Variants in BOC observed in about 807,000 individuals in gnomAD.
BOC encodes the protein brother of CDO.
In BOC, 76 loss-of-function variants were observed where a neutral mutation model predicts 112.0. The ratio of observed to expected loss-of-function variants is 0.68; its 90% CI spans 0.56 to 0.82. The LOEUF is 0.82. BOC is among the 40% of genes least tolerant of loss of function. The pLI is 0.00. For synonymous variants in BOC, 580 were observed against 599.8 expected (o/e 0.97, Z 0.48); for missense variants, 1,309 against 1,511.7 (o/e 0.87, Z 2.22).
intron 5 of BOC, chr3:113,269,638 G>A (rs1002407793): frequency 1.3e-5 from 2 of 152,036 alleles, no homozygotes; most frequent in Non-Finnish European, 2.9e-5. Context: ...AGAAAACTTA[G>A]AGAATACAGA....
At position 113,286,795 on chromosome 3, in the gene BOC, C is replaced by T. The variant is rs1347704389; in HGVS notation, c.3281C>T (p.Pro1094Leu). Residue 1094 changes from proline (P) to leucine (L), a missense_variant, in exon 20 of 20, where the codon CCT (proline) becomes CTT (leucine). Pro to Leu is a moderately conservative substitution (Grantham distance 98). Coordinates refer to ENST00000682979, the MANE Select transcript of BOC (RefSeq NM_001378074.1). ...HPVGAYVGQE[P>L]GMQLSPGPLV... ...GTAGGGGCCTACGTAGGACAGGAAC[C>T]TGGAATGCAGCTCTCCCCGGGGCCA... 1.2e-6 allele frequency: 2 copies of T among 1,613,080 alleles called. No homozygotes were observed. The highest frequency in any genetic ancestry group is 3.3e-5 in the Admixed American group (2 of 59,882).
chr3:113,281,930 T>A (rs755983856), intron 15 of BOC, among the ~76,000 whole-genome samples: 1 of 152,148 alleles, frequency 6.6e-6, no homozygotes, highest in Non-Finnish European at 1.5e-5. Flanking sequence ...GGAGGGCAGA[T>A]ACATGCACAG....
At chr3:113,222,234 T>C (rs891658025) in intron 2 of BOC, among the ~76,000 whole-genome samples, 1 of 152,230 alleles carries the variant, frequency 6.6e-6, no homozygotes, top group African/African-American at 2.4e-5. Context: ...TCTTCCTCAC[T>C]GTCTTCCCAG....
chr3:113,284,429 C>T lies in BOC; in HGVS notation c.2751C>T (p.Ala917=). 3.1e-6 allele frequency: 5 copies of T among 1,614,260 alleles called. No homozygotes were observed. Among genetic ancestry groups the T allele is most frequent in the Non-Finnish European group, 4.2e-6 (5 of 1,180,040 alleles). The change falls in exon 17 of 20, where the codon GCC becomes GCT. Residue 917 remains alanine, a synonymous_variant. Transcript: ENST00000682979. ...TGGGAGGACTCCCAGGCCACCAGGC[C>T]AGTGGACAGCCCTACCTCAGTGGCA... ...VPLGGLPGHQ[A]SGQPYLSGIS...
chr3:113,249,700 C>T (rs1397994273), intron 2 of BOC, 22 bp from the exon 3 acceptor site: 1 of 954,768 alleles, frequency 1.0e-6, no homozygotes, highest in South Asian at 1.8e-5. Context: ...GGCCATTGCT[C>T]TCCCTTTCTC....
At chr3:113,284,041 C>T (rs191840181) in intron 16 of BOC, among the ~76,000 whole-genome samples, 1 of 152,206 alleles carries the variant, frequency 6.6e-6, no homozygotes, top group East Asian at 1.9e-4. Flanking sequence ...ATCTGGTCAG[C>T]TTACCTCCTC....
At chr3:113,273,011 A>C in intron 7 of BOC, 58 bp from the exon 8 acceptor site, 1 of 1,549,170 alleles carries the variant, frequency 6.5e-7, no homozygotes, top group Non-Finnish European at 8.8e-7. Flanking sequence ...CTCCCAGCCC[A>C]TCTGGCCCTG....
intron 2 of BOC, among the ~76,000 whole-genome samples, chr3:113,239,165 T>G (rs2107794893): frequency 6.6e-6 from 1 of 152,366 alleles, no homozygotes; most frequent in Non-Finnish European, 1.5e-5. Flanking sequence ...ATTATAAATT[T>G]TGGATATATC....
rs1305624764 is a variant in BOC, at chr3:113,278,681, C to G, written c.1714C>G (p.Pro572Ala). The part of the protein sequence containing the change: ...AMVTFRTGRR[P>A]KPEIMASKEQ... ...AACCCATTTCCACCCAGGACGGCGG[C>G]CCAAACCCGAGATCATGGCCAGCAA... Residue 572 changes from proline (P) to alanine (A), a missense_variant, in exon 11 of 20, where the codon CCC (proline) becomes GCC (alanine). Transcript: ENST00000682979. This position sits in a 1 kb window ranked among gnomAD's most constrained non-coding sequence, Gnocchi z 4.2. 1 of 1,561,064 alleles carries G rather than the reference C, an allele frequency of 6.4e-7. No homozygotes were observed. The highest frequency in any genetic ancestry group is 1.4e-5 in the African/African-American group (1 of 73,440).
At position 113,283,525 on chromosome 3, in the gene BOC, G is replaced by T. The variant is rs571119647; in HGVS notation, c.2549G>T (p.Arg850Leu). The T allele has an allele frequency of 4.3e-6, 7 of 1,613,970 alleles. No homozygotes were observed. The highest frequency in any genetic ancestry group is 5.9e-6 in the Non-Finnish European group (7 of 1,180,010). Residue 850 changes from arginine (R) to leucine (L), a missense_variant, in exon 16 of 20, where the codon CGC becomes CTC. Coordinates refer to ENST00000682979, the MANE Select transcript of BOC (RefSeq NM_001378074.1). ...RPVGTGAMVA[R>L]SSDLPYLIVG... ...GTGGGCACTGGGGCCATGGTGGCTC[G>T]CTCCAGCGACCTGCCCTATCTGATT...
intron 7 of BOC, 118 bp from the exon 8 acceptor site, chr3:113,272,951 T>C: frequency 7.5e-7 from 1 of 1,338,572 alleles, no homozygotes; most frequent in Non-Finnish European, 1.0e-6. Context: ...CTCTGCCCAT[T>C]AGGAAAAAGC....
rs887184937 is a variant in BOC at position 113,283,538 on chromosome 3, G to A, written c.2562G>A (p.Leu854=). The A allele has an allele frequency of 1.1e-5, 17 of 1,613,940 alleles. No homozygotes were observed. Among genetic ancestry groups the A allele is most frequent in the Non-Finnish European group, 1.1e-5 (13 of 1,179,984 alleles). ...CCATGGTGGCTCGCTCCAGCGACCT[G>A]CCCTATCTGATTGTCGGGGTCGTCC... The part of the protein sequence containing the change: ...TGAMVARSSD[L]PYLIVGVVLG... Residue 854 remains leucine, a synonymous_variant, in exon 16 of 20, where the codon CTG becomes CTA. Coordinates refer to ENST00000682979, the MANE Select transcript of BOC (RefSeq NM_001378074.1).
rs767424071 is a variant in BOC at position 113,272,521 on chromosome 3, C to T, written c.779C>T (p.Pro260Leu). Residue 260 changes from proline (P) to leucine (L), a missense_variant, in exon 7 of 20, where the codon CCA becomes CTA. By Grantham distance (98) the Pro-to-Leu change is moderately conservative (BLOSUM62 -3). Transcript: ENST00000682979. Reference sequence around the variant, plus strand: ...TGTGTGGCCAGTGGAATCCCACCCCCACGGGTCACCTGGGCCAAGGATGGG... The same window carrying T: ...TGTGTGGCCAGTGGAATCCCACCCCTACGGGTCACCTGGGCCAAGGATGGG... ...LECVASGIPPPRVTWAKDGSS... is the reference protein window; with the variant it reads ...LECVASGIPPLRVTWAKDGSS... 6.2e-7 allele frequency: 1 copy of T among 1,614,080 alleles called. No individual in the cohort carries two copies. Among genetic ancestry groups the T allele is most frequent in the South Asian group, 1.1e-5 (1 of 91,074 alleles).
At chr3:113,211,030 G>C (rs1276246062), upstream of BOC, 1 of 152,132 alleles carries the variant, frequency 6.6e-6, no homozygotes, top group Non-Finnish European at 1.5e-5. Context: ...GGGGGAGGCT[G>C]CGTTAAGGCT....
intron 16 of BOC, 116 bp from the exon 17 acceptor site, chr3:113,284,219 T>G: frequency 3.6e-6 from 3 of 829,706 alleles, no homozygotes; most frequent in Non-Finnish European, 6.1e-6. Context: ...GTCAACTCCC[T>G]GCCTACGTCC....
chr3:113,228,887 C>A (rs555111699), intron 2 of BOC, among the ~76,000 whole-genome samples: 1 of 152,226 alleles, frequency 6.6e-6, no homozygotes, highest in Non-Finnish European at 1.5e-5. Context: ...CTGCCCCTCC[C>A]ATCCCTGCCT....
At chr3:113,236,891 G>A (rs1025853843) in intron 2 of BOC, among the ~76,000 whole-genome samples, 11 of 152,088 alleles carry the variant, frequency 7.2e-5, no homozygotes, top group African/African-American at 2.2e-4. Context: ...TTGCTTTTGC[G>A]CATTATCTTA....
intron 19 of BOC, among the ~76,000 whole-genome samples, chr3:113,286,144 G>A (rs1182901029): frequency 1.2e-4 from 19 of 152,034 alleles, no homozygotes; most frequent in Admixed American, 1.2e-3. Flanking sequence ...CTTGGTGAGG[G>A]CACCAAGTAT....
chr3:113,237,532 T>C (rs1387002287), intron 2 of BOC, among the ~76,000 whole-genome samples: 4 of 152,160 alleles, frequency 2.6e-5, no homozygotes, highest in Admixed American at 6.5e-5. Flanking sequence ...ACAAGCTTAG[T>C]TGGGTGTTCA....
Sources: gnomAD v4.1 joint callset for allele counts (sites outside exome capture counted in the v4.1 genomes callset) on GRCh38, gnomAD v4.1.1 for gene constraint, Gnocchi (gnomAD v3.1) non-coding constraint, MANE v1.5 for transcripts, NCBI Gene and HGNC (gene_info 2026-07-23, HGNC 2026-07-21) for gene names.